Variants in SMARCAD1 observed in about 807,000 individuals in gnomAD.
The protein encoded by SMARCAD1 is SNF2 related chromatin remodeling ATPase with DExD box 1.
In SMARCAD1, 25 loss-of-function variants were observed where a neutral mutation model predicts 127.1. The observed-to-expected ratio is 0.20, with a 90% CI of 0.14 to 0.27. SMARCAD1 has a LOEUF of 0.27. SMARCAD1 is among the 10% of genes least tolerant of loss of function. The pLI is 1.00. For synonymous variants in SMARCAD1, 400 were observed against 396.9 expected, an observed-to-expected ratio of 1.01 and a Z score of -0.09; for missense variants, 807 against 1,206.0, an observed-to-expected ratio of 0.67 and a Z score of 4.90.
At position 94,220,391 on chromosome 4, in the gene SMARCAD1, G is replaced by T. The variant is rs181544894; in HGVS notation, c.191-5728G>T. ...GCCTCCCTAGTAGCTGGGACTACAG[G>T]CGTGTGCCACCACACCTGGCTAATT... On this transcript the variant is annotated intron_variant, in intron 2 of 23. Transcript: ENST00000354268. Among the ~76,000 whole-genome samples, 18 of 152,190 alleles carry T rather than the reference G, an allele frequency of 1.2e-4. No homozygotes were observed. The East Asian group carries it at 3.5e-3, about 29-fold the overall frequency.
At chr4:94,238,479 T>G (rs1375644249) in intron 5 of SMARCAD1, among the ~76,000 whole-genome samples, 1 of 152,094 alleles carries the variant, frequency 6.6e-6, no homozygotes, top group African/African-American at 2.4e-5. Flanking sequence ...ATCTGATGAT[T>G]TAAAAAAAAA....
At chr4:94,254,138 A>G (rs116245366) in intron 9 of SMARCAD1, among the ~76,000 whole-genome samples, 2,694 of 152,268 alleles carry the variant, frequency 0.018, 81 homozygotes, top group African/African-American at 0.062. Context: ...ATAATATTCC[A>G]TAGCTTTAAA....
At chr4:94,223,770 A>G (rs1744561565) in intron 2 of SMARCAD1, among the ~76,000 whole-genome samples, 1 of 135,858 alleles carries the variant, frequency 7.4e-6, no homozygotes, top group Admixed American at 7.6e-5. Context: ...TAAAGTAGAG[A>G]CGAGGTTTCA....
intron 5 of SMARCAD1, among the ~76,000 whole-genome samples, chr4:94,239,634 G>A (rs1747279661): frequency 6.6e-6 from 1 of 150,936 alleles, no homozygotes; most frequent in Non-Finnish European, 1.5e-5. Context: ...GTGCAGTGGT[G>A]CGGTCTCAGC....
At chr4:94,288,705 AATTT>A (rs1755308769) in intron 23 of SMARCAD1, among the ~76,000 whole-genome samples, 6 of 152,130 alleles carry the variant, frequency 3.9e-5, no homozygotes, top group Non-Finnish European at 8.8e-5. Flanking sequence ...AGCCACATCT[AATTT>A]ATAAAATTAT....
chr4:94,216,627 C>T (rs1743243659), intron 2 of SMARCAD1, among the ~76,000 whole-genome samples: 1 of 152,106 alleles, frequency 6.6e-6, no homozygotes, highest in Admixed American at 6.5e-5. Flanking sequence ...ATTTCTGATT[C>T]CCCCAGCCCC....
At chr4:94,226,396 T>TC in intron 3 of SMARCAD1, 100 bp downstream of exon 3, 1 of 733,604 alleles carries the variant, frequency 1.4e-6, no homozygotes, top group Non-Finnish European at 2.0e-6. Flanking sequence ...CCCTTTTTTT[T>TC]TTTTTCTTTT....
At chr4:94,239,504 GAAGAT>G (rs1160741877) in intron 5 of SMARCAD1, among the ~76,000 whole-genome samples, 1 of 150,428 alleles carries the variant, frequency 6.6e-6, no homozygotes, top group Non-Finnish European at 1.5e-5. Context: ...CTCTACTTCA[GAAGAT>G]AAGAGTACGA....
chr4:94,231,385 T>C (rs1371007701), intron 3 of SMARCAD1, among the ~76,000 whole-genome samples: 1 of 152,216 alleles, frequency 6.6e-6, no homozygotes, highest in Non-Finnish European at 1.5e-5. Flanking sequence ...ACTTTGTCTT[T>C]AACAGGAAGG....
At chr4:94,268,716 A>T (rs1752099467) in intron 10 of SMARCAD1, among the ~76,000 whole-genome samples, 1 of 152,194 alleles carries the variant, frequency 6.6e-6, no homozygotes, top group South Asian at 2.1e-4. Flanking sequence ...CAAGTTACTT[A>T]ACTTCTGTGA....
In SMARCAD1 at chr4:94,276,357, C is replaced by T. The variant is rs764352624; in HGVS notation, c.1827C>T (p.Ser609=). The part of the protein sequence containing the change: ...VIVTTYNCAI[S]SSDDRSLFRR... ...GTGACAGATATAACTGTGCGATCAGCAGTTCTGATGACCGTAGTCTGTTTC... is the reference window on the plus strand; with the variant it reads ...GTGACAGATATAACTGTGCGATCAGTAGTTCTGATGACCGTAGTCTGTTTC... The change falls in exon 15 of 24, where the codon AGC becomes AGT. Residue 609 remains serine, a synonymous_variant. Coordinates refer to ENST00000354268, the MANE Select transcript of SMARCAD1 (RefSeq NM_020159.5). 1.9e-6 allele frequency: 3 copies of T among 1,614,082 alleles called. No homozygotes were observed. The highest frequency in any genetic ancestry group is 1.7e-6 in the Non-Finnish European group (2 of 1,180,012).
At chr4:94,284,533 G>A (rs934115878) in intron 22 of SMARCAD1, among the ~76,000 whole-genome samples, 1 of 149,792 alleles carries the variant, frequency 6.7e-6, no homozygotes, top group East Asian at 2.0e-4. Context: ...CAACTGCTAG[G>A]ATTACAGGTG....
chr4:94,267,242 T>TG (rs1751864448), intron 10 of SMARCAD1, among the ~76,000 whole-genome samples: 1 of 152,172 alleles, frequency 6.6e-6, no homozygotes, highest in Non-Finnish European at 1.5e-5. Flanking sequence ...TTGTCAGTGA[T>TG]GTGAACGCAA....
intron 10 of SMARCAD1, among the ~76,000 whole-genome samples, chr4:94,269,493 G>GT (rs75891233): frequency 8.7e-3 from 1,212 of 139,004 alleles, no homozygotes; most frequent in Middle Eastern, 0.011. Flanking sequence ...GGCAAATTAA[G>GT]TTTTTTTTTT....
chr4:94,208,271 G>A, intron 1 of SMARCAD1, 75 bp from the exon 2 acceptor site: 1 of 1,051,066 alleles, frequency 9.5e-7, no homozygotes. Flanking sequence ...TATTGCCTTG[G>A]GAATAAACTG....
intron 9 of SMARCAD1, chr4:94,253,744 T>G: frequency 1.1e-6 from 1 of 935,100 alleles, no homozygotes. Flanking sequence ...AATACCTGCA[T>G]TTTGAGTTTT....
intron 6 of SMARCAD1, among the ~76,000 whole-genome samples, chr4:94,241,757 G>A (rs1747605037): frequency 6.6e-6 from 1 of 152,136 alleles, no homozygotes; most frequent in African/African-American, 2.4e-5. Context: ...CTTGCAGGTT[G>A]AGCACTGACC....
chr4:94,238,209 C>T (rs567790698), intron 5 of SMARCAD1, among the ~76,000 whole-genome samples: 3 of 152,038 alleles, frequency 2.0e-5, no homozygotes, highest in East Asian at 1.9e-4. Flanking sequence ...TAATTTCCTC[C>T]AGTTTGAGCA....
At chr4:94,217,847 G>C (rs1239675690) in intron 2 of SMARCAD1, among the ~76,000 whole-genome samples, 1 of 152,116 alleles carries the variant, frequency 6.6e-6, no homozygotes, top group Non-Finnish European at 1.5e-5. Context: ...AATTTTTAAT[G>C]GAGTAGAACA....
Sources: allele counts gnomAD v4.1 joint callset (sites outside exome capture counted in the v4.1 genomes callset), GRCh38; gene constraint gnomAD v4.1.1; transcripts MANE v1.5; gene names NCBI Gene and HGNC (gene_info 2026-07-23, HGNC 2026-07-21).